PILRA: variants seen among roughly 807,000 people sequenced by gnomAD.
PILRA encodes paired immunoglobin like type 2 receptor alpha, also known as paired immunoglobulin-like type 2 receptor alpha.
A neutral mutation model predicts 33.1 loss-of-function variants in PILRA; 37 were observed. The observed-to-expected ratio is 1.12, with a 90% confidence interval of 0.86 to 1.47. The LOEUF (loss-of-function observed/expected upper bound fraction) is 1.47. Ranked by LOEUF, PILRA falls within the 40% of genes most tolerant of loss-of-function variation. The probability of loss-of-function intolerance (pLI) is 0.00; values close to 1 mark genes in which losing one functional copy is unlikely to be tolerated. For missense variants in PILRA, 312 were observed against 376.2 expected (o/e 0.83, Z 1.41); for synonymous variants, 146 against 149.9 (o/e 0.97, Z 0.19).
chr7:100,379,372 C>G (rs1006455797), intron 2 of PILRA, among the ~76,000 whole-genome samples: 1 of 151,506 alleles, frequency 6.6e-6, no homozygotes, highest in African/African-American at 2.4e-5. Context: ...AAGCAAGACT[C>G]TGTCTCAAAA....
chr7:100,399,418 C>A, intron 5 of PILRA, 78 bp downstream of exon 5: 1 of 1,403,200 alleles, frequency 7.1e-7, no homozygotes, highest in South Asian at 1.2e-5. Context: ...TACCTGGGTC[C>A]GTGCCCCTGT....
chr7:100,381,006 C>A (rs996406323), intron 2 of PILRA, among the ~76,000 whole-genome samples: 4 of 151,300 alleles, frequency 2.6e-5, no homozygotes, highest in Non-Finnish European at 5.9e-5. Flanking sequence ...GTGGCTCACG[C>A]CTGTAATCCC....
chr7:100,376,536 G>C (rs1254553287), intron 2 of PILRA: 1 of 142,834 alleles, frequency 7.0e-6, no homozygotes, highest in Non-Finnish European at 1.5e-5. Context: ...AGGCTGGAGT[G>C]CAATGGCATG....
At chr7:100,373,773 C>G (rs1790874957) in intron 1 of PILRA, 53 bp downstream of exon 1, 1 of 1,602,014 alleles carries the variant, frequency 6.2e-7, no homozygotes, top group South Asian at 1.1e-5. Flanking sequence ...ACAGGAGGGG[C>G]CAACCCGAGA....
rs72382477 is a variant in PILRA, at chr7:100,399,439, TTC to T, written c.757+101_757+102del. Reference sequence around the variant, plus strand: ...GGTCCGTGCCCCTGTCAGTATTTTCTTCTTTCCATTCCTTGCCCCTTGCCCTC... The same window carrying T: ...GGTCCGTGCCCCTGTCAGTATTTTCTTTTCCATTCCTTGCCCCTTGCCCTC... On this transcript the variant is annotated intron_variant, in intron 5 of 6. Transcript: ENST00000198536. The T allele has an allele frequency of 6.0e-3, 8,323 of 1,390,124 alleles. 422 individuals carry two copies. The African/African-American group carries it at 0.1, about 17-fold the overall frequency. The allele number at this position is 1,390,124 out of a possible 1,614,324, so 86.1% of individuals were successfully genotyped here.
chr7:100,373,722 TG>T lies in PILRA; in HGVS notation c.64+3del. On this transcript the variant is annotated splice_donor_region_variant and intron_variant, in intron 1 of 6. Coordinates refer to ENST00000198536, the MANE Select transcript of PILRA (RefSeq NM_013439.3). ...TGCCGCCAGCATTTCTGCAGCCTAG[TG>T]AGTACCCAGGACCACCCAGATGTGG... 3.7e-6 allele frequency: 6 copies of T among 1,613,042 alleles called. No individual in the cohort carries two copies. The South Asian group carries it at 6.6e-5, about 18-fold the overall frequency.
upstream of PILRA, among the ~76,000 whole-genome samples, chr7:100,372,282 C>G (rs1790833742): frequency 6.7e-6 from 1 of 148,682 alleles, no homozygotes; most frequent in Non-Finnish European, 1.5e-5. Context: ...AACCTGTTTC[C>G]TCAGGCCTGT....
intron 2 of PILRA, 168 bp downstream of exon 2, chr7:100,374,601 T>C: frequency 1.3e-6 from 1 of 743,408 alleles, no homozygotes. Flanking sequence ...CCCTTTTCTC[T>C]TCCCCTTGTC....
intron 2 of PILRA, among the ~76,000 whole-genome samples, chr7:100,376,945 G>A (rs992610432): frequency 2.0e-5 from 3 of 150,596 alleles, no homozygotes; most frequent in Admixed American, 2.0e-4. Context: ...TATTTTTTTT[G>A]TAGTCATGGG....
At chr7:100,374,763 T>G in intron 2 of PILRA, 1 of 396,394 alleles carries the variant, frequency 2.5e-6, no homozygotes. Context: ...CCTCTCCCCA[T>G]AACCTCCAGG....
At chr7:100,382,462 C>T (rs1041804524) in intron 2 of PILRA, among the ~76,000 whole-genome samples, 4 of 152,142 alleles carry the variant, frequency 2.6e-5, no homozygotes, top group Non-Finnish European at 4.4e-5. Context: ...CACCAATCAG[C>T]GCTCTGTGTC....
At chr7:100,375,159 G>A (rs544208408) in intron 2 of PILRA, among the ~76,000 whole-genome samples, 14 of 152,116 alleles carry the variant, frequency 9.2e-5, no homozygotes, top group Admixed American at 2.0e-4. Flanking sequence ...TCTTCCAGCC[G>A]TGCTCTCCCT....
At chr7:100,388,747 C>T (rs1360025766) in intron 2 of PILRA, among the ~76,000 whole-genome samples, 1 of 72,112 alleles carries the variant, frequency 1.4e-5, no homozygotes, top group Non-Finnish European at 2.4e-5. Flanking sequence ...GAGCCTCCGT[C>T]TCAAAAAAAA....
chr7:100,378,966 A>AC (rs1158192960), intron 2 of PILRA, among the ~76,000 whole-genome samples: 2 of 151,478 alleles, frequency 1.3e-5, no homozygotes, highest in Non-Finnish European at 2.9e-5. Context: ...GGTGGCGAGC[A>AC]CCTGTAGTCC....
intron 3 of PILRA, among the ~76,000 whole-genome samples, chr7:100,390,399 G>A (rs1390462983): frequency 6.6e-6 from 1 of 152,170 alleles, no homozygotes; most frequent in East Asian, 1.9e-4. Context: ...GGGGAGGAGA[G>A]GGGAGGGTCT....
intron 2 of PILRA, among the ~76,000 whole-genome samples, chr7:100,388,653 G>A (rs993865070): frequency 6.7e-6 from 1 of 150,224 alleles, no homozygotes; most frequent in African/African-American, 2.5e-5. Context: ...GGCTGAGGTA[G>A]GAGAATCACT....
At chr7:100,383,541 T>C (rs571183512) in intron 2 of PILRA, among the ~76,000 whole-genome samples, 1 of 151,832 alleles carries the variant, frequency 6.6e-6, no homozygotes, top group East Asian at 1.9e-4. Flanking sequence ...CTGTGTGGCT[T>C]TGAAAGCCAA....
In PILRA at chr7:100,374,359, T is replaced by C; in HGVS notation, c.380T>C (p.Val127Ala). The C allele has an allele frequency of 1.9e-6, 3 of 1,614,058 alleles. No individual in the cohort carries two copies. The highest frequency in any genetic ancestry group is 2.2e-5 in the East Asian group (1 of 44,876). ...KQDQSVYFCR[V>A]ELDTRSSGRQ... is the part of the protein sequence containing the mutation. ...GACCAGTCTGTGTATTTCTGCCGAG[T>C]TGAGCTGGACACACGGAGCTCAGGG... Residue 127 changes from valine to alanine, a missense_variant, in exon 2 of 7, where the codon GTT (valine) becomes GCT (alanine). Transcript: ENST00000198536.
At chr7:100,380,401 T>C (rs1032524062) in intron 2 of PILRA, among the ~76,000 whole-genome samples, 4 of 152,360 alleles carry the variant, frequency 2.6e-5, no homozygotes, top group African/African-American at 9.6e-5. Context: ...CTCAGAAAGC[T>C]AAGAGACCTC....
Sources: allele counts gnomAD v4.1 joint callset (sites outside exome capture counted in the v4.1 genomes callset), GRCh38; gene constraint gnomAD v4.1.1; transcripts MANE v1.5; gene names NCBI Gene and HGNC (gene_info 2026-07-23, HGNC 2026-07-21).